The following LIMCH1 variants were observed in gnomAD, a reference collection of about 807,000 sequenced individuals.
LIMCH1 encodes the protein LIM and calponin homology domains-containing protein 1.
LIMCH1 carries 113 observed loss-of-function variants against 176.5 expected under a neutral mutation model. The ratio of observed to expected loss-of-function variants is 0.64; its 90% CI spans 0.55 to 0.75. The LOEUF is 0.75. Among genes scored for constraint, LIMCH1 ranks in the 30% least tolerant of loss-of-function variants. The pLI is 0.00. For synonymous variants in LIMCH1, 619 were observed against 645.9 expected (o/e 0.96, Z 0.63); for missense variants, 1,674 against 1,814.9 (o/e 0.92, Z 1.41).
chr4:41,612,783 G>C lies in LIMCH1; in HGVS notation c.10-683G>C, dbSNP rs909166465. ...TCCCCCAGCGCCAAGAGCTGGCTGA[G>C]AGCGAGAGCATGCCTGGATTCTTCT... On this transcript the variant is annotated intron_variant, in intron 4 of 31. Coordinates refer to ENST00000503057, the MANE Select transcript of LIMCH1 (RefSeq NM_001330672.2). 18 of 854,680 alleles carry C rather than the reference G, an allele frequency of 2.1e-5. No individual in the cohort carries two copies. The Admixed American group carries it at 3.9e-4, about 19-fold the overall frequency. 52.9% of individuals were successfully genotyped at this position (854,680 alleles called of 1,614,324 possible).
intron 3 of LIMCH1, among the ~76,000 whole-genome samples, chr4:41,530,498 C>G (rs951568265): frequency 2.0e-5 from 3 of 152,118 alleles, no homozygotes; most frequent in African/African-American, 7.2e-5. Flanking sequence ...GGCTCGGTCT[C>G]TCCTCCAGTT....
intron 1 of LIMCH1, among the ~76,000 whole-genome samples, chr4:41,466,126 T>G (rs907664239): frequency 2.6e-5 from 4 of 152,080 alleles, no homozygotes; most frequent in Admixed American, 2.6e-4. Context: ...GCCTGGCTAA[T>G]TTTTGTATTT....
At chr4:41,531,844 G>A (rs1240008874) in intron 3 of LIMCH1, among the ~76,000 whole-genome samples, 4 of 152,046 alleles carry the variant, frequency 2.6e-5, no homozygotes, top group East Asian at 1.9e-4. Flanking sequence ...GGTACGATCC[G>A]GAGTCTCCAG....
intron 1 of LIMCH1, among the ~76,000 whole-genome samples, chr4:41,374,590 A>C (rs988114822): frequency 6.6e-6 from 1 of 150,938 alleles, no homozygotes; most frequent in African/African-American, 2.4e-5. Flanking sequence ...TTTAGTTAGC[A>C]TTCTTATGGT....
chr4:41,671,884 C>CA (rs34994833), intron 22 of LIMCH1, among the ~76,000 whole-genome samples: 11,072 of 52,290 alleles, frequency 0.21, 1,717 homozygotes, highest in Non-Finnish European at 0.27. Context: ...GACTTCGTCT[C>CA]AAAAAAAAAA....
intron 1 of LIMCH1, among the ~76,000 whole-genome samples, chr4:41,473,473 G>C (rs2067281663): frequency 6.6e-6 from 1 of 152,166 alleles, no homozygotes; most frequent in South Asian, 2.1e-4. Context: ...GGTCTGTTTT[G>C]CTGGTTCTAC....
intron 1 of LIMCH1, among the ~76,000 whole-genome samples, chr4:41,567,917 T>C (rs57742517): frequency 0.071 from 10,747 of 152,120 alleles, 1,224 homozygotes; most frequent in African/African-American, 0.24. Flanking sequence ...CACTCTGGGA[T>C]GCCAAGACAG....
At chr4:41,692,475 G>T in intron 31 of LIMCH1, 91 bp downstream of exon 31, 1 of 775,134 alleles carries the variant, frequency 1.3e-6, no homozygotes, top group Non-Finnish European at 2.2e-6. Context: ...TTTTTCCCCA[G>T]CCGTTGACAC....
At chr4:41,603,510 G>A (rs906729704) in intron 2 of LIMCH1, among the ~76,000 whole-genome samples, 1 of 152,182 alleles carries the variant, frequency 6.6e-6, no homozygotes, top group Non-Finnish European at 1.5e-5. Context: ...TTTTGGAAGT[G>A]CAGTCGGATT....
intron 1 of LIMCH1, among the ~76,000 whole-genome samples, chr4:41,484,467 G>T (rs892376835): frequency 2.6e-5 from 4 of 152,136 alleles, no homozygotes; most frequent in African/African-American, 9.7e-5. Flanking sequence ...TCCCACAAAG[G>T]GTTTATTCCT....
chr4:41,697,217 T>C lies in LIMCH1; in HGVS notation c.*32T>C, dbSNP rs1319074323. ...TTTCAAGCTTCCGGATCACTCACCATTTCTTTACTGAGAGTGTCCCCTGGC... is the reference window on the plus strand; with the variant it reads ...TTTCAAGCTTCCGGATCACTCACCACTTCTTTACTGAGAGTGTCCCCTGGC... On this transcript the variant is annotated 3_prime_UTR_variant, in exon 32 of 32. Coordinates refer to ENST00000503057, the MANE Select transcript of LIMCH1 (RefSeq NM_001330672.2). The C allele has an allele frequency of 1.2e-6, 2 of 1,609,728 alleles. No individual in the cohort carries two copies. Among genetic ancestry groups the C allele is most frequent in the East Asian group, 4.5e-5 (2 of 44,854 alleles).
chr4:41,642,684 T>C (rs946940883), intron 14 of LIMCH1, among the ~76,000 whole-genome samples: 7 of 151,806 alleles, frequency 4.6e-5, no homozygotes, highest in African/African-American at 1.7e-4. Context: ...TCAACCTCCC[T>C]AGTAGCTGGG....
At chr4:41,467,676 C>T (rs1266684415) in intron 1 of LIMCH1, among the ~76,000 whole-genome samples, 2 of 152,166 alleles carry the variant, frequency 1.3e-5, no homozygotes, top group African/African-American at 2.4e-5. Context: ...CAAATCATAT[C>T]CACTGAGTAT....
intron 1 of LIMCH1, among the ~76,000 whole-genome samples, chr4:41,454,946 G>A (rs1043032973): frequency 1.6e-5 from 2 of 126,328 alleles, no homozygotes; most frequent in African/African-American, 8.7e-5. Context: ...GTACATGTGT[G>A]TGTGTGTGTG....
chr4:41,506,921 G>GC, intron 2 of LIMCH1, among the ~76,000 whole-genome samples: 1 of 152,074 alleles, frequency 6.6e-6, no homozygotes, highest in Non-Finnish European at 1.5e-5. Flanking sequence ...CCACAAGACT[G>GC]CCCCCACCCC....
intron 1 of LIMCH1, among the ~76,000 whole-genome samples, chr4:41,590,084 T>C (rs2087227932): frequency 6.7e-6 from 1 of 149,508 alleles, no homozygotes. Flanking sequence ...CTTTTAAAAA[T>C]AGTTAGTTAA....
At chr4:41,491,672 TC>T (rs2071045716) in intron 1 of LIMCH1, among the ~76,000 whole-genome samples, 1 of 134,494 alleles carries the variant, frequency 7.4e-6, no homozygotes, top group Non-Finnish European at 1.5e-5. Context: ...GCAGAGACGC[TC>T]CTCACTTCCT....
Position 41,685,752 on chromosome 4 carries a change from CAGA to C in LIMCH1, c.4014_4016del (p.Glu1338del), listed in dbSNP as rs777567391. On this transcript the variant is annotated inframe_deletion, in exon 28 of 32. Transcript: ENST00000503057. ...CAGACATCAAATCCAACGCACAGTT[CAGA>C]AGATGTGAAGCCAAAAACCCTCCCG... 1 of 1,613,700 alleles carries C rather than the reference CAGA, an allele frequency of 6.2e-7. No homozygotes were observed.
chr4:41,550,377 T>C (rs1042806499), intron 1 of LIMCH1, among the ~76,000 whole-genome samples: 2 of 151,920 alleles, frequency 1.3e-5, no homozygotes, highest in Non-Finnish European at 2.9e-5. Flanking sequence ...TTCTCCTAGG[T>C]ATTTAAAAAA....
Sources: gnomAD v4.1 joint callset for allele counts (sites outside exome capture counted in the v4.1 genomes callset) on GRCh38, gnomAD v4.1.1 for gene constraint, MANE v1.5 for transcripts, NCBI Gene and HGNC (gene_info 2026-07-23, HGNC 2026-07-21) for gene names.